SLC4A4: variants seen among roughly 807,000 people sequenced by gnomAD.
The protein encoded by SLC4A4 is solute carrier family 4 member 4.
Under a neutral mutation model 111.5 loss-of-function variants are expected in SLC4A4, and 27 were observed. The observed-to-expected ratio is 0.24, with a 90% CI of 0.18 to 0.33. SLC4A4 has a LOEUF of 0.33. Among genes scored for constraint, SLC4A4 ranks in the 10% least tolerant of loss-of-function variants. The probability of loss-of-function intolerance (pLI) is 1.00; values close to 1 mark genes in which losing one functional copy is unlikely to be tolerated. For missense variants in SLC4A4, 909 were observed against 1,315.5 expected, an observed-to-expected ratio of 0.69 and a Z score of 4.78; for synonymous variants, 443 against 463.4, an observed-to-expected ratio of 0.96 and a Z score of 0.57.
At chr4:71,107,580 C>A (rs533877260) in intron 2 of SLC4A4, among the ~76,000 whole-genome samples, 1 of 152,194 alleles carries the variant, frequency 6.6e-6, no homozygotes, top group South Asian at 2.1e-4. Flanking sequence ...AAACTCCCGA[C>A]CTCAAATGAT....
chr4:71,206,884 A>G (rs1560779458), intron 1 of SLC4A4, among the ~76,000 whole-genome samples: 1 of 151,920 alleles, frequency 6.6e-6, no homozygotes, highest in African/African-American at 2.4e-5. Context: ...CCTCTACTAT[A>G]ATCATCTACT....
At chr4:71,471,553 G>T (rs1227839151) in intron 13 of SLC4A4, among the ~76,000 whole-genome samples, 1 of 151,890 alleles carries the variant, frequency 6.6e-6, no homozygotes, top group Non-Finnish European at 1.5e-5. Context: ...TTGTCTAAAA[G>T]CAAGGTTCTA....
At chr4:71,530,972 TATATA>T (rs1733861887) in intron 16 of SLC4A4, among the ~76,000 whole-genome samples, 1 of 152,138 alleles carries the variant, frequency 6.6e-6, no homozygotes, top group East Asian at 1.9e-4. Context: ...GGCTTCCTTG[TATATA>T]ACTTGGCTAT....
intron 2 of SLC4A4, among the ~76,000 whole-genome samples, chr4:71,160,556 A>T (rs747989750): frequency 1.3e-5 from 2 of 152,098 alleles, no homozygotes; most frequent in Non-Finnish European, 2.9e-5. Context: ...ACCAGAAATA[A>T]GGGGAAATGT....
At chr4:71,291,673 A>G (rs1177213233) in intron 3 of SLC4A4, among the ~76,000 whole-genome samples, 1 of 152,226 alleles carries the variant, frequency 6.6e-6, no homozygotes, top group Non-Finnish European at 1.5e-5. Flanking sequence ...TTGCCCTCAT[A>G]GGCACCCCAA....
chr4:71,420,407 A>C (rs1274414919), intron 7 of SLC4A4, among the ~76,000 whole-genome samples: 6 of 152,174 alleles, frequency 3.9e-5, no homozygotes, highest in Non-Finnish European at 5.9e-5. Flanking sequence ...GTTGGAAAAC[A>C]CTCTGCAGGA....
intron 2 of SLC4A4, among the ~76,000 whole-genome samples, chr4:71,136,344 G>C (rs981410209): frequency 6.6e-6 from 1 of 152,312 alleles, no homozygotes; most frequent in Admixed American, 6.5e-5. Flanking sequence ...TCTTCTATAG[G>C]AATGTATGTT....
chr4:71,235,826 T>A (rs907566032), intron 1 of SLC4A4, among the ~76,000 whole-genome samples: 1 of 152,224 alleles, frequency 6.6e-6, no homozygotes, highest in African/African-American at 2.4e-5. Context: ...AAGAACTTTG[T>A]GCCCTTCAGG....
At chr4:71,564,041 T>C in intron 24 of SLC4A4, 152 bp downstream of exon 24, 3 of 636,696 alleles carry the variant, frequency 4.7e-6, no homozygotes, top group East Asian at 5.5e-5. Flanking sequence ...TAAAACTTTG[T>C]TTTTACATAC....
At chr4:71,393,678 T>C (rs1048083223) in intron 6 of SLC4A4, among the ~76,000 whole-genome samples, 1 of 151,968 alleles carries the variant, frequency 6.6e-6, no homozygotes, top group African/African-American at 2.4e-5. Flanking sequence ...AAAATTCATA[T>C]GGGACCAAAA....
At chr4:71,265,579 C>A (rs1218993817) in intron 3 of SLC4A4, among the ~76,000 whole-genome samples, 1 of 152,182 alleles carries the variant, frequency 6.6e-6, no homozygotes, top group East Asian at 1.9e-4. Flanking sequence ...CAAGGGCTAA[C>A]ATCTTACCTC....
chr4:71,169,888 C>T (rs796368398), intron 2 of SLC4A4, among the ~76,000 whole-genome samples: 18 of 152,306 alleles, frequency 1.2e-4, no homozygotes, highest in African/African-American at 4.3e-4. Context: ...TAATTCCTTC[C>T]TAGACTTACA....
chr4:71,308,899 A>G (rs1260631322), intron 3 of SLC4A4, among the ~76,000 whole-genome samples: 1 of 152,178 alleles, frequency 6.6e-6, no homozygotes, highest in African/African-American at 2.4e-5. Flanking sequence ...TCCCCTAGAA[A>G]GGGGGCTGAA....
chr4:71,078,167 G>A (rs961155954), intron 1 of SLC4A4, among the ~76,000 whole-genome samples: 4 of 151,902 alleles, frequency 2.6e-5, no homozygotes, highest in Admixed American at 6.6e-5. Flanking sequence ...CCAACACATT[G>A]TGGGCCCTCA....
At position 71,546,534 on chromosome 4, in the gene SLC4A4, T is replaced by C; in HGVS notation, c.2621+6T>C. The C allele has an allele frequency of 6.2e-7, 1 of 1,611,464 alleles. No homozygotes were observed. The highest frequency in any genetic ancestry group is 2.2e-5 in the East Asian group (1 of 44,620). On this transcript the variant is annotated splice_donor_region_variant and intron_variant, in intron 19 of 25. Transcript: ENST00000264485. ...CCAAAGTTTCTAGGAGTGAGGTGTG[T>C]TAACTCAGAGGAAAATGGCTCCCGA...
intron 15 of SLC4A4, among the ~76,000 whole-genome samples, chr4:71,487,999 G>A (rs1729576682): frequency 6.6e-6 from 1 of 151,472 alleles, no homozygotes; most frequent in Non-Finnish European, 1.5e-5. Context: ...CATACAGAAA[G>A]GAGTTCAACT....
intron 1 of SLC4A4, among the ~76,000 whole-genome samples, chr4:71,202,528 C>G (rs995026188): frequency 2.0e-5 from 3 of 152,098 alleles, no homozygotes; most frequent in Non-Finnish European, 4.4e-5. Flanking sequence ...TTTAAAATAT[C>G]AAGTGTGAAC....
chr4:71,106,863 T>A lies in SLC4A4; in HGVS notation c.-2+14071T>A, dbSNP rs548416873. On this transcript the variant is annotated intron_variant, in intron 2 of 26. Transcript: ENST00000649996. Reference sequence around the variant, plus strand: ...GGGTGCAGCACACCAGCATGGCACATGTATACATATGTAACTAACCTGCAC... The same window carrying A: ...GGGTGCAGCACACCAGCATGGCACAAGTATACATATGTAACTAACCTGCAC... 5.3e-4 allele frequency among the ~76,000 whole-genome samples: 79 copies of A among 149,762 alleles called. No homozygotes were observed. In the South Asian group the frequency reaches 5.3e-3, roughly 10 times the overall value.
At position 71,394,693 on chromosome 4, in the gene SLC4A4, C is replaced by T. The variant is rs189074039; in HGVS notation, c.731-2884C>T. On this transcript the variant is annotated intron_variant, in intron 6 of 25. Transcript: ENST00000264485. ...ACCAACTCGAATGCCCATCAGTCGA[C>T]GAGTGGATAAAGAAACTGTGGTATA... 2.5e-3 allele frequency among the ~76,000 whole-genome samples: 375 copies of T among 152,010 alleles called. 1 individual carries two copies. Among genetic ancestry groups the T allele is most frequent in the African/African-American group, 8.3e-3 (345 of 41,476 alleles).
Sources: gnomAD v4.1 joint callset for allele counts (sites outside exome capture counted in the v4.1 genomes callset) on GRCh38, gnomAD v4.1.1 for gene constraint, MANE v1.5 for transcripts, NCBI Gene and HGNC (gene_info 2026-07-23, HGNC 2026-07-21) for gene names.